The following POU6F2 variants were observed in gnomAD, a reference collection of about 807,000 sequenced individuals.
POU6F2 encodes the protein POU class 6 homeobox 2.
In POU6F2, 31 loss-of-function variants were observed where a neutral mutation model predicts 71.3. The observed-to-expected ratio is 0.43, with a 90% CI of 0.33 to 0.59. The LOEUF is 0.59. Among genes scored for constraint, POU6F2 ranks in the 20% least tolerant of loss-of-function variants. POU6F2 has a pLI of 0.04. For missense variants in POU6F2, 783 were observed against 856.8 expected, an observed-to-expected ratio of 0.91 and a Z score of 1.07; for synonymous variants, 347 against 355.7, an observed-to-expected ratio of 0.98 and a Z score of 0.27.
intron 5 of POU6F2, among the ~76,000 whole-genome samples, chr7:39,386,729 CAAG>C (rs1460509161): frequency 6.6e-6 from 1 of 152,114 alleles, no homozygotes; most frequent in Admixed American, 6.6e-5. Flanking sequence ...AAAAAAAGAG[CAAG>C]AAGAAGTTGG....
At position 39,208,183 on chromosome 7, in the gene POU6F2, A is replaced by C. The variant is rs186737719; in HGVS notation, c.598+563A>C. Among the ~76,000 whole-genome samples, 1,062 of 152,344 alleles carry C rather than the reference A, an allele frequency of 7.0e-3. 39 individuals carry two copies. Among genetic ancestry groups the C allele is most frequent in the Admixed American group, 0.066 (1,003 of 15,288 alleles). On this transcript the variant is annotated intron_variant, in intron 4 of 9. Transcript: ENST00000518318. ...CTTGTATGTTGAGCCTTTATACTAC[A>C]GGGACATATAACAAGTCAGACTCTA...
intron 2 of POU6F2, among the ~76,000 whole-genome samples, chr7:39,125,851 T>C (rs1792128949): frequency 6.6e-6 from 1 of 152,170 alleles, no homozygotes; most frequent in Admixed American, 6.5e-5. Flanking sequence ...ACCTAAATAA[T>C]AATCAAAACA....
At chr7:39,137,216 C>G (rs1167447249) in intron 2 of POU6F2, among the ~76,000 whole-genome samples, 2 of 152,088 alleles carry the variant, frequency 1.3e-5, no homozygotes, top group Non-Finnish European at 2.9e-5. Context: ...TTGATAATTA[C>G]ACACTGTATC....
chr7:39,064,636 CAT>C (rs1178971593), intron 1 of POU6F2, among the ~76,000 whole-genome samples: 12 of 151,892 alleles, frequency 7.9e-5, no homozygotes, highest in Admixed American at 6.6e-4. Context: ...TGGCAATAAA[CAT>C]GAATGTTTTA....
chr7:39,338,044 A>T (rs886981934), intron 4 of POU6F2, among the ~76,000 whole-genome samples: 6 of 152,232 alleles, frequency 3.9e-5, no homozygotes, highest in African/African-American at 1.2e-4. Flanking sequence ...ATGAAGCAGT[A>T]TGGTATTTAA....
At chr7:39,382,468 C>A (rs1408230592) in intron 5 of POU6F2, among the ~76,000 whole-genome samples, 3 of 152,142 alleles carry the variant, frequency 2.0e-5, no homozygotes. Flanking sequence ...GTGAGGCAGG[C>A]AACTGGAATA....
At chr7:39,271,536 C>A (rs1354770529) in intron 4 of POU6F2, among the ~76,000 whole-genome samples, 16 of 151,010 alleles carry the variant, frequency 1.1e-4, no homozygotes, top group Non-Finnish European at 1.6e-4. Context: ...GGAGCAGCTC[C>A]TACAGCCAAG....
At chr7:38,990,649 C>T (rs188067437) in intron 1 of POU6F2, among the ~76,000 whole-genome samples, 3 of 152,166 alleles carry the variant, frequency 2.0e-5, no homozygotes, top group Admixed American at 2.0e-4. Flanking sequence ...GTAGAGACAG[C>T]GTTGTTCTTT....
In POU6F2 at chr7:39,066,681, T is replaced by G. The variant is rs1368461351; in HGVS notation, c.106-19179T>G. 5.3e-5 allele frequency among the ~76,000 whole-genome samples: 8 copies of G among 151,136 alleles called. No individual in the cohort carries two copies. In the South Asian group the frequency reaches 1.7e-3, roughly 31 times the overall value. ...TTAAATAAATAGAAGAAGCAAGTGT[T>G]GATGGTAACACTGAATATTATAAAG... On this transcript the variant is annotated intron_variant, in intron 1 of 9. Transcript: ENST00000518318.
At chr7:39,225,121 G>A (rs1297767847) in intron 4 of POU6F2, among the ~76,000 whole-genome samples, 1 of 152,058 alleles carries the variant, frequency 6.6e-6, no homozygotes, top group Non-Finnish European at 1.5e-5. Context: ...GGAGAAATCA[G>A]GAATGTTATC....
At chr7:39,364,759 T>C (rs1352178349) in intron 5 of POU6F2, among the ~76,000 whole-genome samples, 1 of 152,206 alleles carries the variant, frequency 6.6e-6, no homozygotes, top group Non-Finnish European at 1.5e-5. Context: ...GTGTAATGAC[T>C]TCTTTTCCTC....
intron 2 of POU6F2, among the ~76,000 whole-genome samples, chr7:39,099,369 C>T (rs1206386823): frequency 2.0e-5 from 3 of 152,214 alleles, no homozygotes; most frequent in Admixed American, 6.5e-5. Flanking sequence ...CAGGGGCATC[C>T]GCTGTCCCTC....
Position 39,451,607 on chromosome 7 carries a change from A to G in POU6F2, c.1395A>G (p.Gln465=), listed in dbSNP as rs1359934917. The change falls in exon 8 of 10, where the codon CAA becomes CAG. Residue 465 remains glutamine, a synonymous_variant. Coordinates refer to ENST00000518318, the MANE Select transcript of POU6F2 (RefSeq NM_001370959.1). ...ACCTTCTGCACCTGGCTCACAGCCAAGCATCCATGTCTCAAAGTCCCGTCC... is the reference window on the plus strand; with the variant it reads ...ACCTTCTGCACCTGGCTCACAGCCAGGCATCCATGTCTCAAAGTCCCGTCC... The part of the protein sequence containing the change: ...QGNLLHLAHS[Q]ASMSQSPVRQ... 3.7e-6 allele frequency: 6 copies of G among 1,613,646 alleles called. No homozygotes were observed. In the African/African-American group the frequency reaches 5.3e-5, roughly 14 times the overall value.
At chr7:39,444,551 T>G (rs3819414) in intron 7 of POU6F2, among the ~76,000 whole-genome samples, 50,403 of 152,032 alleles carry the variant, frequency 0.33, 9,255 homozygotes, top group East Asian at 0.58. Context: ...ACCACTGCAC[T>G]CCAGCTTGGG....
At chr7:39,269,802 A>G (rs1784311524) in intron 4 of POU6F2, among the ~76,000 whole-genome samples, 1 of 152,150 alleles carries the variant, frequency 6.6e-6, no homozygotes, top group Non-Finnish European at 1.5e-5. Flanking sequence ...AAAATGTGGC[A>G]TCACAGTGTG....
At chr7:39,173,805 C>G (rs548337250) in intron 2 of POU6F2, among the ~76,000 whole-genome samples, 12 of 152,352 alleles carry the variant, frequency 7.9e-5, no homozygotes, top group African/African-American at 2.9e-4. Context: ...ACAATATGTT[C>G]TGATCTCTTC....
Position 39,432,137 on chromosome 7 carries a change from C to T in POU6F2, c.1114-940C>T, listed in dbSNP as rs561732737. On this transcript the variant is annotated intron_variant, in intron 6 of 9. Transcript: ENST00000518318. ...TATGGACACCCAGTCTGTCCATTTG[C>T]TGTTTTTCTATTCATGGTGCCTTTC... 6.6e-5 allele frequency among the ~76,000 whole-genome samples: 10 copies of T among 152,300 alleles called. No homozygotes were observed. The South Asian group carries it at 2.1e-3, about 32-fold the overall frequency.
chr7:39,384,358 T>A (rs1199231554), intron 5 of POU6F2, among the ~76,000 whole-genome samples: 1 of 152,224 alleles, frequency 6.6e-6, no homozygotes, highest in East Asian at 1.9e-4. Context: ...ATAAAGTTTT[T>A]AAAAGTTTTA....
chr7:39,064,167 A>G (rs1262882452), intron 1 of POU6F2, among the ~76,000 whole-genome samples: 1 of 152,088 alleles, frequency 6.6e-6, no homozygotes, highest in Non-Finnish European at 1.5e-5. Flanking sequence ...AATAATATTG[A>G]AAGAAAACAT....
Sources: allele counts gnomAD v4.1 joint callset (sites outside exome capture counted in the v4.1 genomes callset), GRCh38; gene constraint gnomAD v4.1.1; transcripts MANE v1.5; gene names NCBI Gene and HGNC (gene_info 2026-07-23, HGNC 2026-07-21).